Variants in CDH13 observed in about 807,000 individuals in gnomAD.
CDH13 encodes the protein cadherin-13.
Under a neutral mutation model 63.8 loss-of-function variants are expected in CDH13, and 24 were observed. The observed-to-expected ratio is 0.38, with a 90% CI of 0.27 to 0.53. CDH13 has a LOEUF of 0.53. Ranked by LOEUF, CDH13 falls within the 20% of genes least tolerant of loss-of-function variation. The pLI, the probability that CDH13 is intolerant of heterozygous loss-of-function variation, is 0.85. For synonymous variants in CDH13, 503 were observed against 355.3 expected (o/e 1.42, Z -4.67); for missense variants, 1,049 against 903.1 (o/e 1.16, Z -2.07).
chr16:83,321,365 C>T (rs899160981), intron 5 of CDH13, among the ~76,000 whole-genome samples: 1 of 152,120 alleles, frequency 6.6e-6, no homozygotes, highest in East Asian at 1.9e-4. Flanking sequence ...AACTTGGAGG[C>T]ACGTCACTCA....
chr16:83,461,918 A>G (rs1335019339), intron 6 of CDH13, among the ~76,000 whole-genome samples: 1 of 152,206 alleles, frequency 6.6e-6, no homozygotes, highest in East Asian at 1.9e-4. Flanking sequence ...CTTGTAAGGT[A>G]TGAGCTCAGG....
intron 6 of CDH13, among the ~76,000 whole-genome samples, chr16:83,484,820 T>C (rs539693949): frequency 6.6e-6 from 1 of 152,204 alleles, no homozygotes; most frequent in African/African-American, 2.4e-5. Context: ...ACTATCCCCC[T>C]GTGGGTAAGG....
chr16:83,769,667 C>T (rs1914631457), intron 11 of CDH13, among the ~76,000 whole-genome samples: 1 of 152,116 alleles, frequency 6.6e-6, no homozygotes, highest in Non-Finnish European at 1.5e-5. Flanking sequence ...GTAAAAGTGG[C>T]CAAGTGGGCG....
At chr16:82,744,318 C>T (rs1187265661) in intron 1 of CDH13, among the ~76,000 whole-genome samples, 4 of 152,094 alleles carry the variant, frequency 2.6e-5, no homozygotes, top group East Asian at 1.9e-4. Flanking sequence ...CTATTTTTCT[C>T]GCTTTTGTAG....
intron 2 of CDH13, among the ~76,000 whole-genome samples, chr16:82,888,432 C>G (rs546860416): frequency 1.3e-5 from 2 of 152,322 alleles, no homozygotes; most frequent in African/African-American, 4.8e-5. Flanking sequence ...AGGGACTGGA[C>G]TAGAAACAGA....
At chr16:82,768,789 G>T (rs2035156120) in intron 1 of CDH13, among the ~76,000 whole-genome samples, 2 of 152,162 alleles carry the variant, frequency 1.3e-5, no homozygotes, top group Admixed American at 6.5e-5. Flanking sequence ...GTCTAACCCA[G>T]CAGACCATCC....
Position 83,216,330 on chromosome 16 carries a change from A to G in CDH13, c.484-1015A>G, listed in dbSNP as rs150929194. Among the ~76,000 whole-genome samples the G allele has an allele frequency of 7.3e-3, 1,000 of 137,152 alleles. 10 individuals are homozygous for G. The highest frequency in any genetic ancestry group is 0.018 in the Middle Eastern group (4 of 226). 90.0% of individuals were successfully genotyped at this position (137,152 alleles called of 152,430 possible). On this transcript the variant is annotated intron_variant, in intron 4 of 13. Coordinates refer to ENST00000567109, the MANE Select transcript of CDH13 (RefSeq NM_001257.5). ...AGCTTTGGCCATGGCCAGCTTGCTG[A>G]CTCATTCTATCTCAGTGGTTTCATC...
At chr16:83,626,203 C>T (rs1231197168) in intron 8 of CDH13, among the ~76,000 whole-genome samples, 1 of 152,062 alleles carries the variant, frequency 6.6e-6, no homozygotes, top group African/African-American at 2.4e-5. Context: ...GCTGATTTTG[C>T]CGTACCGCGT....
At chr16:82,788,636 C>G (rs781586886) in intron 1 of CDH13, among the ~76,000 whole-genome samples, 8 of 152,172 alleles carry the variant, frequency 5.3e-5, no homozygotes, top group Non-Finnish European at 1.0e-4. Flanking sequence ...GAAATTACCC[C>G]TCGTTCTATC....
chr16:82,668,323 C>T (rs1420395327), intron 1 of CDH13, among the ~76,000 whole-genome samples: 1 of 152,146 alleles, frequency 6.6e-6, no homozygotes, highest in African/African-American at 2.4e-5. Context: ...GGGATGGCAT[C>T]AGGCCCGCTG....
intron 5 of CDH13, among the ~76,000 whole-genome samples, chr16:83,267,277 C>T (rs1024489938): frequency 2.0e-5 from 3 of 152,184 alleles, no homozygotes; most frequent in Non-Finnish European, 2.9e-5. Context: ...CCCACCTCCG[C>T]AGCATCAGGG....
At chr16:82,940,855 C>G (rs1361663327) in intron 2 of CDH13, among the ~76,000 whole-genome samples, 1 of 152,116 alleles carries the variant, frequency 6.6e-6, no homozygotes, top group Non-Finnish European at 1.5e-5. Flanking sequence ...CTCAACCCAG[C>G]TGCAAGCTTT....
intron 7 of CDH13, among the ~76,000 whole-genome samples, chr16:83,543,810 G>C (rs2075335883): frequency 6.6e-6 from 1 of 152,208 alleles, no homozygotes; most frequent in Admixed American, 6.5e-5. Flanking sequence ...CATCGCTACA[G>C]AGAATCTCTG....
chr16:83,026,042 C>T (rs184285140), intron 2 of CDH13, among the ~76,000 whole-genome samples: 72 of 152,286 alleles, frequency 4.7e-4, no homozygotes, highest in Non-Finnish European at 4.7e-4. Flanking sequence ...AGCACCTACT[C>T]CTGAGTTGGT....
chr16:82,642,278 G>T (rs1241297880), intron 1 of CDH13, among the ~76,000 whole-genome samples: 3 of 152,222 alleles, frequency 2.0e-5, no homozygotes, highest in East Asian at 1.9e-4. Context: ...AGACTATAAG[G>T]TCAGGGTTTT....
chr16:83,205,639 T>A (rs2039161232), intron 4 of CDH13, among the ~76,000 whole-genome samples: 2 of 149,512 alleles, frequency 1.3e-5, no homozygotes, highest in South Asian at 4.3e-4. Context: ...AAAGTCTTGC[T>A]CTGTTGCCAG....
chr16:83,192,849 C>T (rs12716964), intron 4 of CDH13, among the ~76,000 whole-genome samples: 163 of 151,894 alleles, frequency 1.1e-3, no homozygotes, highest in South Asian at 1.7e-3. Context: ...CGACTCGGGG[C>T]GAACAGTGCA....
chr16:82,963,672 A>G (rs1248443944), intron 2 of CDH13, among the ~76,000 whole-genome samples: 2 of 152,058 alleles, frequency 1.3e-5, no homozygotes, highest in Admixed American at 1.3e-4. Flanking sequence ...TCTGCTTCGT[A>G]TTTCCCCCCT....
chr16:83,039,211 T>A (rs1164310819), intron 3 of CDH13, among the ~76,000 whole-genome samples: 1 of 152,226 alleles, frequency 6.6e-6, no homozygotes, highest in Non-Finnish European at 1.5e-5. Flanking sequence ...ACCTGATCAC[T>A]TCGCTCCTCT....
Sources: gnomAD v4.1 joint callset for allele counts (sites outside exome capture counted in the v4.1 genomes callset) on GRCh38, gnomAD v4.1.1 for gene constraint, MANE v1.5 for transcripts, NCBI Gene and HGNC (gene_info 2026-07-23, HGNC 2026-07-21) for gene names.